Variants in ZNF407 observed in about 807,000 individuals in gnomAD.
The protein encoded by ZNF407 is zinc finger protein 407.
ZNF407 carries 17 observed loss-of-function variants against 131.2 expected under a neutral mutation model. That is an observed-to-expected ratio of 0.13 (90% CI 0.09 to 0.19). The LOEUF is 0.19. Ranked by LOEUF, ZNF407 falls within the 10% of genes least tolerant of loss-of-function variation. ZNF407 has a pLI of 1.00. For missense variants in ZNF407, 2,681 were observed against 2,830.6 expected (o/e 0.95, Z 1.20); for synonymous variants, 1,156 against 1,062.0 (o/e 1.09, Z -1.72).
intron 4 of ZNF407, among the ~76,000 whole-genome samples, chr18:74,823,858 A>C (rs1386242042): frequency 6.6e-6 from 1 of 152,196 alleles, no homozygotes; most frequent in East Asian, 1.9e-4. Context: ...TGGACCAAGC[A>C]GACCTAATAG....
At chr18:74,709,056 A>T (rs1223421946) in intron 3 of ZNF407, among the ~76,000 whole-genome samples, 1 of 152,240 alleles carries the variant, frequency 6.6e-6, no homozygotes, top group African/African-American at 2.4e-5. Flanking sequence ...ATAACAAAAT[A>T]TGCTTGAACT....
At chr18:74,948,784 T>C (rs980102594) in intron 8 of ZNF407, among the ~76,000 whole-genome samples, 3 of 152,242 alleles carry the variant, frequency 2.0e-5, no homozygotes, top group African/African-American at 4.8e-5. Flanking sequence ...TACAGATAAC[T>C]AATTAGAAAT....
chr18:74,678,078 C>G (rs915023564), intron 3 of ZNF407, among the ~76,000 whole-genome samples: 2 of 152,162 alleles, frequency 1.3e-5, no homozygotes, highest in African/African-American at 4.8e-5. Flanking sequence ...ACCTTGGCCT[C>G]CCAAAGTGCT....
Position 74,675,697 on chromosome 18 carries a change from T to G in ZNF407, c.4802+34575T>G, listed in dbSNP as rs906706652. 2.6e-5 allele frequency among the ~76,000 whole-genome samples: 4 copies of G among 152,220 alleles called. No homozygotes were observed. In the East Asian group the frequency reaches 5.8e-4, roughly 22 times the overall value. On this transcript the variant is annotated intron_variant, in intron 3 of 8. Coordinates refer to ENST00000299687, the MANE Select transcript of ZNF407 (RefSeq NM_017757.3). ...TTAGCTTTGAAGTTATATACCCTTT[T>G]TGGTTTTAATGGTTACCCTAGCAAT...
intron 8 of ZNF407, among the ~76,000 whole-genome samples, chr18:74,930,800 G>A (rs1182693592): frequency 6.6e-6 from 1 of 152,106 alleles, no homozygotes; most frequent in Non-Finnish European, 1.5e-5. Context: ...TACTTTTCAG[G>A]CACCACAGTG....
intron 1 of ZNF407, among the ~76,000 whole-genome samples, chr18:74,626,815 AAAACT>A (rs1256790538): frequency 9.2e-5 from 14 of 152,214 alleles, no homozygotes; most frequent in Non-Finnish European, 2.9e-5. Context: ...TAGACCAGGC[AAAACT>A]AAACTATCGT....
intron 1 of ZNF407, among the ~76,000 whole-genome samples, chr18:74,613,569 T>A (rs534216725): frequency 6.6e-6 from 1 of 152,378 alleles, no homozygotes; most frequent in South Asian, 2.1e-4. Flanking sequence ...AGACTCCTTC[T>A]GTGGCAAGGA....
intron 3 of ZNF407, among the ~76,000 whole-genome samples, chr18:74,677,974 C>T (rs567069590): frequency 6.6e-6 from 1 of 152,208 alleles, no homozygotes; most frequent in South Asian, 2.1e-4. Context: ...GCACATGCCA[C>T]CATGCCTGGC....
At chr18:74,756,476 T>G (rs1197099423) in intron 3 of ZNF407, among the ~76,000 whole-genome samples, 1 of 152,236 alleles carries the variant, frequency 6.6e-6, no homozygotes, top group African/African-American at 2.4e-5. Context: ...TTTACTGAAG[T>G]CTTCTGCTTC....
chr18:74,632,608 G>A lies in ZNF407; in HGVS notation c.1589G>A (p.Cys530Tyr), dbSNP rs751734502. ...PASGSQTLCA[C>Y]TDCGQVATNR... ...TCTGGCTCTCAGACGTTGTGTGCTTGTACAGACTGTGGGCAAGTAGCTACA... is the reference window on the plus strand; with the variant it reads ...TCTGGCTCTCAGACGTTGTGTGCTTATACAGACTGTGGGCAAGTAGCTACA... Residue 530 changes from cysteine (C) to tyrosine (Y), a missense_variant, in exon 2 of 9, where the codon TGT becomes TAT. Cys to Tyr is a radical substitution (Grantham distance 194). Transcript: ENST00000299687. 17 of 1,613,918 alleles carry A rather than the reference G, an allele frequency of 1.1e-5. No individual in the cohort carries two copies. Among genetic ancestry groups the A allele is most frequent in the African/African-American group, 2.7e-5 (2 of 74,936 alleles).
chr18:74,881,058 C>T lies in ZNF407; in HGVS notation c.5067C>T (p.Asp1689=). 6.3e-7 allele frequency: 1 copy of T among 1,584,108 alleles called. No homozygotes were observed. The highest frequency in any genetic ancestry group is 1.1e-5 in the South Asian group (1 of 87,098). The change falls in exon 6 of 9, where the codon GAC becomes GAT. Residue 1689 remains aspartate (D), a synonymous_variant. Coordinates refer to ENST00000299687, the MANE Select transcript of ZNF407 (RefSeq NM_017757.3). ...THTGEKSFLC[D]LCGFAGGTRH... is the part of the protein sequence containing the mutation. ...CAGGCGAGAAGTCGTTTCTGTGTGA[C>T]CTCTGCGGCTTTGCCGGCGGGACCC...
intron 2 of ZNF407, among the ~76,000 whole-genome samples, chr18:74,638,631 A>G (rs574541389): frequency 7.2e-5 from 11 of 152,222 alleles, no homozygotes; most frequent in Non-Finnish European, 1.5e-4. Flanking sequence ...GTAAAGTAAT[A>G]AGGTACCACA....
At chr18:74,667,940 A>C (rs1308993918) in intron 3 of ZNF407, among the ~76,000 whole-genome samples, 3 of 152,048 alleles carry the variant, frequency 2.0e-5, no homozygotes, top group Non-Finnish European at 4.4e-5. Context: ...ATTTTTTACA[A>C]TTTTGTTTAC....
At chr18:74,940,292 A>G (rs962022411) in intron 8 of ZNF407, among the ~76,000 whole-genome samples, 1 of 152,128 alleles carries the variant, frequency 6.6e-6, no homozygotes, top group African/African-American at 2.4e-5. Flanking sequence ...AACATAACAG[A>G]ATAGGAGCTT....
rs766340325 is a variant in ZNF407, at chr18:75,063,771, A to C, written c.6050A>C (p.Lys2017Thr). 1.2e-6 allele frequency: 2 copies of C among 1,610,680 alleles called. No individual in the cohort carries two copies. Among genetic ancestry groups the C allele is most frequent in the Non-Finnish European group, 8.5e-7 (1 of 1,179,746 alleles). ...GLEEQGRPGAKDVLIQLPGQE... is the reference protein window; with the variant it reads ...GLEEQGRPGATDVLIQLPGQE... ...GAGGAGCAAGGCAGGCCCGGCGCCA[A>C]AGACGTGCTGATCCAGCTGCCCGGG... is the stretch of plus-strand genomic sequence containing the variant. Residue 2017 changes from lysine to threonine, a missense_variant, in exon 9 of 9, where the codon AAA becomes ACA. Coordinates refer to ENST00000299687, the MANE Select transcript of ZNF407 (RefSeq NM_017757.3). This position sits in a 1 kb window ranked among gnomAD's most constrained non-coding sequence, Gnocchi z 6.6.
At chr18:74,802,717 A>G (rs1970040332) in intron 4 of ZNF407, among the ~76,000 whole-genome samples, 1 of 152,222 alleles carries the variant, frequency 6.6e-6, no homozygotes, top group African/African-American at 2.4e-5. Context: ...GAAAACAGTA[A>G]CACTAAATAT....
intron 1 of ZNF407, among the ~76,000 whole-genome samples, chr18:74,620,953 G>T (rs1012346151): frequency 3.3e-5 from 5 of 152,160 alleles, no homozygotes; most frequent in Middle Eastern, 3.2e-3. Flanking sequence ...CACATGATCA[G>T]TTACCTCCGA....
chr18:75,030,812 GCTGT>G (rs1282926093), intron 8 of ZNF407, among the ~76,000 whole-genome samples: 6 of 152,182 alleles, frequency 3.9e-5, no homozygotes, highest in African/African-American at 1.4e-4. Context: ...CCACCCTGCT[GCTGT>G]CTAAGGGAGA....
At chr18:74,960,024 A>G (rs921889290) in intron 8 of ZNF407, among the ~76,000 whole-genome samples, 1 of 152,116 alleles carries the variant, frequency 6.6e-6, no homozygotes, top group African/African-American at 2.4e-5. Context: ...CTTTCACCCC[A>G]TTTTCTAGTG....
Sources: gnomAD v4.1 joint callset for allele counts (sites outside exome capture counted in the v4.1 genomes callset) on GRCh38, gnomAD v4.1.1 for gene constraint, Gnocchi (gnomAD v3.1) non-coding constraint, MANE v1.5 for transcripts, NCBI Gene and HGNC (gene_info 2026-07-23, HGNC 2026-07-21) for gene names.